The following NBAS variants were observed in gnomAD, a reference collection of about 807,000 sequenced individuals.
The protein encoded by NBAS is NAG/BC035112 fusion.
NBAS carries 219 observed loss-of-function variants against 302.5 expected under a neutral mutation model. That is an observed-to-expected ratio of 0.72 (90% CI 0.65 to 0.81). NBAS has a LOEUF of 0.81. Among genes scored for constraint, NBAS ranks in the 30% least tolerant of loss-of-function variants. The pLI, the probability that NBAS is intolerant of heterozygous loss-of-function variation, is 0.00. For synonymous variants in NBAS, 1,118 were observed against 1,021.6 expected (o/e 1.09, Z -1.80); for missense variants, 2,932 against 2,841.6 (o/e 1.03, Z -0.72).
At chr2:15,354,147 G>A (rs537286107) in intron 33 of NBAS, among the ~76,000 whole-genome samples, 1 of 152,260 alleles carries the variant, frequency 6.6e-6, no homozygotes, top group South Asian at 2.1e-4. Context: ...TTCCTCTTGG[G>A]TTGTTGAAGG....
the NBAS span, among the ~76,000 whole-genome samples, chr2:14,792,408 G>A: frequency 2.0e-5 from 3 of 152,070 alleles, no homozygotes; most frequent in East Asian, 1.9e-4. Context: ...TTGAGTATTC[G>A]TGGTGTATCC....
Position 15,167,216 on chromosome 2 carries a change from G to C in NBAS, c.6948C>G (p.Leu2316=), listed in dbSNP as rs1310726440. The change falls in exon 52 of 52, where the codon CTC becomes CTG. Residue 2316 remains leucine, a synonymous_variant. Coordinates refer to ENST00000281513, the MANE Select transcript of NBAS (RefSeq NM_015909.4). The stretch of plus-strand genomic sequence containing the variant: ...AGCGCCCTTGCTGGAGGCTAGCCAA[G>C]AGGTGGTCAACAATACGTGGATAGA... ...TPFYPRIVDH[L]LASLQQGRWD... is the part of the protein sequence containing the mutation. 1.2e-6 allele frequency: 2 copies of C among 1,614,156 alleles called. No homozygotes were observed. The highest frequency in any genetic ancestry group is 1.3e-5 in the African/African-American group (1 of 74,952).
chr2:15,174,888 A>G (rs1664459283), intron 51 of NBAS, among the ~76,000 whole-genome samples: 1 of 152,236 alleles, frequency 6.6e-6, no homozygotes, highest in Non-Finnish European at 1.5e-5. Flanking sequence ...GTACTTGGCA[A>G]AGAGGTGGGA....
At chr2:15,034,203 A>AAC in the NBAS span, among the ~76,000 whole-genome samples, 5 of 45,364 alleles carry the variant, frequency 1.1e-4, no homozygotes, top group Admixed American at 2.7e-4. Context: ...AACAAAGAGA[A>AAC]GGAAAGGAAA....
At chr2:14,819,339 A>T in the NBAS span, among the ~76,000 whole-genome samples, 2 of 152,252 alleles carry the variant, frequency 1.3e-5, no homozygotes, top group Admixed American at 6.5e-5. Context: ...AAGGAGTGTT[A>T]CAGCTGGCAT....
intron 1 of NBAS, among the ~76,000 whole-genome samples, chr2:15,560,025 A>G (rs565103516): frequency 4.6e-5 from 7 of 152,282 alleles, no homozygotes; most frequent in Non-Finnish European, 8.8e-5. Flanking sequence ...TGCAGTGGGA[A>G]GGAGGCTACA....
chr2:14,908,135 A>G, the NBAS span, among the ~76,000 whole-genome samples: 1 of 152,162 alleles, frequency 6.6e-6, no homozygotes, highest in Non-Finnish European at 1.5e-5. Flanking sequence ...AGGCCGAGGC[A>G]GGCGGATCAC....
At chr2:15,502,787 A>G (rs569783677) in intron 11 of NBAS, among the ~76,000 whole-genome samples, 49 of 152,338 alleles carry the variant, frequency 3.2e-4, no homozygotes, top group Admixed American at 5.9e-4. Flanking sequence ...CTGTACACTT[A>G]GGCTCCACTA....
At chr2:15,208,311 C>T (rs1021014797) in intron 48 of NBAS, among the ~76,000 whole-genome samples, 9 of 152,170 alleles carry the variant, frequency 5.9e-5, no homozygotes, top group Non-Finnish European at 1.2e-4. Flanking sequence ...ACCACGAGAA[C>T]AGTATGGGGG....
the NBAS span, among the ~76,000 whole-genome samples, chr2:14,904,176 A>G: frequency 6.6e-6 from 1 of 152,238 alleles, no homozygotes; most frequent in East Asian, 1.9e-4. Context: ...AATAGGATAA[A>G]TGTACATATG....
At chr2:15,148,395 G>T in the NBAS span, among the ~76,000 whole-genome samples, 1 of 152,172 alleles carries the variant, frequency 6.6e-6, no homozygotes, top group Admixed American at 6.5e-5. Context: ...AATGAGCAGG[G>T]CCTGAAACTC....
the NBAS span, among the ~76,000 whole-genome samples, chr2:15,088,102 GAGA>G: frequency 3.9e-5 from 6 of 152,338 alleles, no homozygotes; most frequent in East Asian, 9.7e-4. Flanking sequence ...TGGATTTGTA[GAGA>G]AGGAGAGGCT....
intron 44 of NBAS, among the ~76,000 whole-genome samples, chr2:15,242,013 G>A (rs1414732094): frequency 1.3e-5 from 2 of 152,174 alleles, no homozygotes; most frequent in South Asian, 2.1e-4. Context: ...TCCCAGTCAT[G>A]TTTCATTATC....
At chr2:14,921,776 A>G in the NBAS span, among the ~76,000 whole-genome samples, 11 of 152,174 alleles carry the variant, frequency 7.2e-5, no homozygotes, top group South Asian at 2.1e-4. Flanking sequence ...CCCAAGCATC[A>G]TAGTTGGCTG....
At chr2:14,840,652 T>C in the NBAS span, among the ~76,000 whole-genome samples, 3 of 151,832 alleles carry the variant, frequency 2.0e-5, no homozygotes, top group South Asian at 2.1e-4. Flanking sequence ...GAAAAAAAAA[T>C]TGTCATTCAA....
chr2:15,538,444 T>C, intron 7 of NBAS: 1 of 342,924 alleles, frequency 2.9e-6, no homozygotes, highest in Non-Finnish European at 5.9e-6. Flanking sequence ...AGCTAAAAGC[T>C]TATAAACAAT....
At chr2:14,865,391 A>C in the NBAS span, among the ~76,000 whole-genome samples, 1 of 152,158 alleles carries the variant, frequency 6.6e-6, no homozygotes, top group South Asian at 2.1e-4. Flanking sequence ...AATCTCTCGG[A>C]GACAAAAGTG....
chr2:15,385,620 T>C (rs1289188880), intron 28 of NBAS, among the ~76,000 whole-genome samples: 1 of 152,122 alleles, frequency 6.6e-6, no homozygotes, highest in African/African-American at 2.4e-5. Context: ...TAGATGTGGA[T>C]TTCCCAGGGA....
rs375279692 is a variant in NBAS, at chr2:15,301,192, C to T, written c.4797+7024G>A. Among the ~76,000 whole-genome samples, 221 of 152,202 alleles carry T rather than the reference C, an allele frequency of 1.5e-3. 1 individual carries two copies. In the South Asian group the frequency reaches 0.023, roughly 16 times the overall value. On this transcript the variant is annotated intron_variant, in intron 40 of 51. Transcript: ENST00000281513. ...TCTCTGGAAACAAAGCTTGAGCGGT[C>T]GCTGTCCAAGTAAAAAGCAGGTAAA...
Sources: allele counts gnomAD v4.1 joint callset (sites outside exome capture counted in the v4.1 genomes callset), GRCh38; gene constraint gnomAD v4.1.1; transcripts MANE v1.5; gene names NCBI Gene and HGNC (gene_info 2026-07-23, HGNC 2026-07-21).